ZNF10: variants seen among roughly 807,000 people sequenced by gnomAD.
ZNF10 encodes the protein zinc finger protein 10 (KOX 1).
In ZNF10, 8 loss-of-function variants were observed where a neutral mutation model predicts 12.2. The ratio of observed to expected loss-of-function variants is 0.66; its 90% CI spans 0.39 to 1.18. ZNF10 has a LOEUF of 1.18. ZNF10 is among the 50% of genes most tolerant of loss of function. ZNF10 has a pLI of 0.01. For synonymous variants in ZNF10, 229 were observed against 228.2 expected, an observed-to-expected ratio of 1.00 and a Z score of -0.03; for missense variants, 603 against 678.9, an observed-to-expected ratio of 0.89 and a Z score of 1.24.
intron 1 of ZNF10, among the ~76,000 whole-genome samples, chr12:133,140,251 A>G (rs1357769597): frequency 6.8e-6 from 1 of 146,150 alleles, no homozygotes; most frequent in Non-Finnish European, 1.5e-5. Flanking sequence ...AGTGGCTCAC[A>G]CCTGTAGTTC....
intron 2 of ZNF10, among the ~76,000 whole-genome samples, chr12:133,146,896 TCCCTGTGTGCTGC>T (rs1566347782): frequency 6.6e-6 from 1 of 151,826 alleles, no homozygotes. Context: ...ATCCTAGAAT[TCCCTGTGTGCTGC>T]CCCTGTGTAT....
In ZNF10 at chr12:133,155,711, G is replaced by T; in HGVS notation, c.465G>T (p.Lys155Asn). Reference protein sequence around the residue: ...RHLRQVAFTQKKVLTQERVSE... With the variant: ...RHLRQVAFTQNKVLTQERVSE... Reference sequence around the variant, plus strand: ...TGAGGCAAGTGGCATTCACCCAAAAGAAAGTACTTACTCAGGAGAGAGTCT... The same window carrying T: ...TGAGGCAAGTGGCATTCACCCAAAATAAAGTACTTACTCAGGAGAGAGTCT... The change falls in exon 5 of 5, where the codon AAG (lysine) becomes AAT (asparagine). Residue 155 changes from lysine (K) to asparagine (N), a missense_variant. Transcript: ENST00000248211. 6.2e-7 allele frequency: 1 copy of T among 1,611,628 alleles called. No individual in the cohort carries two copies. The highest frequency in any genetic ancestry group is 8.5e-7 in the Non-Finnish European group (1 of 1,179,196).
rs1956035529 is a variant in ZNF10, at chr12:133,155,726, GGA to G, written c.486_487del (p.Arg162SerfsTer3). 1.2e-6 allele frequency: 2 copies of G among 1,612,342 alleles called. No individual in the cohort carries two copies. Among genetic ancestry groups the G allele is most frequent in the Non-Finnish European group, 1.7e-6 (2 of 1,179,350 alleles). ...TCACCCAAAAGAAAGTACTTACTCA[GGA>G]GAGAGTCTCTGAAAGTGGTAAATAT... is the stretch of plus-strand genomic sequence containing the variant. ...AFTQKKVLTQERVSESGKYGG... is the reference protein window; with the variant it reads ...AFTQKKVLTQXRVSESGKYGG... On this transcript the variant is annotated frameshift_variant, in exon 5 of 5. Transcript: ENST00000248211. LOFTEE classifies it low-confidence loss of function (END_TRUNC).
Position 133,156,365 on chromosome 12 carries a change from A to G in ZNF10, c.1119A>G (p.Gly373=), listed in dbSNP as rs1195465259. 6.8e-6 allele frequency: 11 copies of G among 1,614,152 alleles called. No individual in the cohort carries two copies. Among genetic ancestry groups the G allele is most frequent in the Non-Finnish European group, 9.3e-6 (11 of 1,180,026 alleles). Reference sequence around the variant, plus strand: ...TTAGACACCAGAGGACACATACTGGAGAGAAACCCTATGAATGTCCTGAAT... The same window carrying G: ...TTAGACACCAGAGGACACATACTGGGGAGAAACCCTATGAATGTCCTGAAT... ...RLIRHQRTHT[G]EKPYECPECG... The change falls in exon 5 of 5, where the codon GGA becomes GGG. Residue 373 remains glycine, a synonymous_variant. Transcript: ENST00000248211.
intron 2 of ZNF10, among the ~76,000 whole-genome samples, chr12:133,147,414 G>A (rs538531895): frequency 6.6e-6 from 1 of 152,252 alleles, no homozygotes; most frequent in East Asian, 1.9e-4. Context: ...CCAGCACTTG[G>A]TATCACACAT....
chr12:133,152,765 C>T (rs1193577336), intron 4 of ZNF10, among the ~76,000 whole-genome samples: 2 of 152,018 alleles, frequency 1.3e-5, no homozygotes, highest in Admixed American at 6.5e-5. Context: ...ATAGGCATTT[C>T]CCTGCATCTC....
chr12:133,152,731 A>C (rs1012390789), intron 4 of ZNF10, among the ~76,000 whole-genome samples: 10 of 152,120 alleles, frequency 6.6e-5, no homozygotes, highest in African/African-American at 2.4e-4. Flanking sequence ...CTAGTTTTGT[A>C]TTTAATGTTT....
chr12:133,135,199 T>C (rs1157917166), intron 1 of ZNF10, among the ~76,000 whole-genome samples: 1 of 152,168 alleles, frequency 6.6e-6, no homozygotes. Flanking sequence ...GTCTTTTGCC[T>C]TTCATGGGTC....
Position 133,151,834 on chromosome 12 carries a change from G to T in ZNF10, c.186G>T (p.Val62=). 1 of 1,613,404 alleles carries T rather than the reference G, an allele frequency of 6.2e-7. No homozygotes were observed. The highest frequency in any genetic ancestry group is 8.5e-7 in the Non-Finnish European group (1 of 1,179,568). ...SLGYQLTKPD[V]ILRLEKGEEP... Reference sequence around the variant, plus strand: ...GTTATCAGCTTACTAAGCCAGATGTGATCCTCCGGTTGGAGAAGGGAGAAG... The same window carrying T: ...GTTATCAGCTTACTAAGCCAGATGTTATCCTCCGGTTGGAGAAGGGAGAAG... The change falls in exon 4 of 5, where the codon GTG becomes GTT. Residue 62 remains valine, a synonymous_variant. Transcript: ENST00000248211.
chr12:133,138,514 A>G (rs1434270751), intron 1 of ZNF10, among the ~76,000 whole-genome samples: 1 of 152,028 alleles, frequency 6.6e-6, no homozygotes, highest in Non-Finnish European at 1.5e-5. Flanking sequence ...CTATTTCCAG[A>G]TATGTCATTT....
At chr12:133,141,936 A>G (rs540699711) in intron 1 of ZNF10, among the ~76,000 whole-genome samples, 7 of 152,332 alleles carry the variant, frequency 4.6e-5, no homozygotes, top group Admixed American at 6.5e-5. Context: ...AAAAGCAGCC[A>G]GAAGGAAAAT....
intron 1 of ZNF10, among the ~76,000 whole-genome samples, chr12:133,138,422 C>T (rs1451496978): frequency 1.3e-5 from 2 of 151,294 alleles, no homozygotes; most frequent in Non-Finnish European, 2.9e-5. Flanking sequence ...TACAGTGGCT[C>T]ATACCTGTAG....
chr12:133,147,447 A>C (rs1955982693), intron 2 of ZNF10, among the ~76,000 whole-genome samples: 1 of 152,174 alleles, frequency 6.6e-6, no homozygotes, highest in Non-Finnish European at 1.5e-5. Flanking sequence ...CTTTCTAATA[A>C]GTGTCTTAGA....
chr12:133,141,105 A>G (rs529822687), intron 1 of ZNF10, among the ~76,000 whole-genome samples: 16 of 152,276 alleles, frequency 1.1e-4, no homozygotes, highest in African/African-American at 3.1e-4. Flanking sequence ...GGTCGTGTCT[A>G]CCCAATCAGT....
intron 2 of ZNF10, among the ~76,000 whole-genome samples, chr12:133,147,665 T>C (rs1288501024): frequency 6.9e-6 from 1 of 145,050 alleles, no homozygotes. Flanking sequence ...CAGGCTGGAG[T>C]GCAGTGGCAC....
intron 1 of ZNF10, among the ~76,000 whole-genome samples, chr12:133,141,091 GA>G (rs1955942167): frequency 6.6e-6 from 1 of 152,132 alleles, no homozygotes; most frequent in African/African-American, 2.4e-5. Context: ...TGGAGCATTG[GA>G]TAGGTCGTGT....
chr12:133,154,189 T>C (rs1956025588), intron 4 of ZNF10, among the ~76,000 whole-genome samples: 1 of 152,038 alleles, frequency 6.6e-6, no homozygotes, highest in Non-Finnish European at 1.5e-5. Flanking sequence ...TAAGATGAAG[T>C]GGTATCATCA....
At position 133,158,180 on chromosome 12, in the gene ZNF10, T is replaced by C. The variant is rs1056308411; in HGVS notation, c.*1212T>C. 6.6e-6 allele frequency: 1 copy of C among 152,214 alleles called. No individual in the cohort carries two copies. 9.4% of individuals were successfully genotyped at this position (152,214 alleles called of 1,614,324 possible). A position where few individuals can be genotyped will look rare whatever the true frequency, so the allele number is the denominator to read the frequency against. ...AGCGATAATAATAGTACTTACCTGG[T>C]AGGATTATGGTGAGTATTAAATGAG... On this transcript the variant is annotated 3_prime_UTR_variant, in exon 5 of 5. Coordinates refer to ENST00000248211, the MANE Select transcript of ZNF10 (RefSeq NM_015394.5).
At chr12:133,155,403 A>G in intron 4 of ZNF10, 100 bp from the exon 5 acceptor site, 1 of 1,265,688 alleles carries the variant, frequency 7.9e-7, no homozygotes, top group Non-Finnish European at 1.1e-6. Context: ...CATATTTGAA[A>G]GCAACTGTGT....
Sources: gnomAD v4.1 joint callset for allele counts (sites outside exome capture counted in the v4.1 genomes callset) on GRCh38, gnomAD v4.1.1 for gene constraint, MANE v1.5 for transcripts, NCBI Gene and HGNC (gene_info 2026-07-23, HGNC 2026-07-21) for gene names.